The following FSTL4 variants were observed in gnomAD, a reference collection of about 807,000 sequenced individuals.
FSTL4 encodes follistatin like 4, also known as follistatin-related protein 4.
A neutral mutation model predicts 78.2 loss-of-function variants in FSTL4; 28 were observed. The ratio of observed to expected loss-of-function variants is 0.36; its 90% CI spans 0.27 to 0.49. The LOEUF (loss-of-function observed/expected upper bound fraction) is 0.49. Ranked by LOEUF, FSTL4 falls within the 20% of genes least tolerant of loss-of-function variation. FSTL4 has a pLI of 0.98. For synonymous variants in FSTL4, 422 were observed against 440.5 expected, an observed-to-expected ratio of 0.96 and a Z score of 0.53; for missense variants, 922 against 1,084.9, an observed-to-expected ratio of 0.85 and a Z score of 2.11.
chr5:133,264,793 C>T (rs1310153333), intron 6 of FSTL4, among the ~76,000 whole-genome samples: 2 of 152,154 alleles, frequency 1.3e-5, no homozygotes, highest in East Asian at 1.9e-4. Flanking sequence ...AAAAATGCCT[C>T]GTTTCCTCTC....
At chr5:133,769,599 C>G in the FSTL4 span, among the ~76,000 whole-genome samples, 5 of 152,278 alleles carry the variant, frequency 3.3e-5, no homozygotes, top group South Asian at 8.3e-4. Flanking sequence ...CCCAACACAG[C>G]CATCTACAAA....
intron 3 of FSTL4, among the ~76,000 whole-genome samples, chr5:133,499,558 C>T (rs1046439513): frequency 1.3e-5 from 2 of 152,104 alleles, no homozygotes; most frequent in Non-Finnish European, 2.9e-5. Context: ...GAATCAACCT[C>T]CTAGGTTGCA....
chr5:133,608,423 G>C (rs1198197570), intron 1 of FSTL4, among the ~76,000 whole-genome samples: 2 of 152,230 alleles, frequency 1.3e-5, no homozygotes, highest in African/African-American at 4.8e-5. Context: ...TAACCTGGCT[G>C]CCGCATAGAT....
chr5:133,381,583 G>C (rs899272249), intron 4 of FSTL4, among the ~76,000 whole-genome samples: 1 of 152,234 alleles, frequency 6.6e-6, no homozygotes, highest in African/African-American at 2.4e-5. Context: ...GGGCACGAGA[G>C]AGGGAGCATT....
the FSTL4 span, among the ~76,000 whole-genome samples, chr5:133,840,912 T>C: frequency 6.6e-6 from 1 of 152,270 alleles, no homozygotes; most frequent in Non-Finnish European, 1.5e-5. Context: ...AAGCACTTGC[T>C]GTGCAGGTTT....
chr5:133,553,200 A>G (rs1196638253), intron 3 of FSTL4, among the ~76,000 whole-genome samples: 1 of 152,194 alleles, frequency 6.6e-6, no homozygotes, highest in Non-Finnish European at 1.5e-5. Flanking sequence ...GTCCAAGACT[A>G]ATAGCCTGGA....
chr5:133,476,330 C>T (rs558098874), intron 3 of FSTL4, among the ~76,000 whole-genome samples: 4 of 152,300 alleles, frequency 2.6e-5, no homozygotes, highest in South Asian at 2.1e-4. Flanking sequence ...GCCCCTCGAC[C>T]GCCTTGTCTT....
the FSTL4 span, among the ~76,000 whole-genome samples, chr5:133,733,154 T>C: frequency 1.3e-5 from 2 of 152,224 alleles, no homozygotes; most frequent in East Asian, 1.9e-4. Flanking sequence ...CTTTTGTACA[T>C]AGGAATCAGT....
At chr5:133,445,713 G>T (rs1757249951) in intron 3 of FSTL4, among the ~76,000 whole-genome samples, 1 of 152,202 alleles carries the variant, frequency 6.6e-6, no homozygotes, top group Admixed American at 6.5e-5. Context: ...CCCAAAACGT[G>T]CACAGGCCCT....
intron 14 of FSTL4, among the ~76,000 whole-genome samples, chr5:133,202,941 G>A (rs1422976281): frequency 1.3e-5 from 2 of 152,234 alleles, no homozygotes; most frequent in African/African-American, 4.8e-5. Flanking sequence ...CAGGTGGTGT[G>A]TGAAGTCAGA....
chr5:133,772,842 A>T, the FSTL4 span, among the ~76,000 whole-genome samples: 1 of 152,132 alleles, frequency 6.6e-6, no homozygotes, highest in East Asian at 1.9e-4. Context: ...TCTAATAATG[A>T]ACTCTGAGGG....
intron 6 of FSTL4, among the ~76,000 whole-genome samples, chr5:133,280,763 CCCTGGCCCT>C (rs1199917216): frequency 6.6e-6 from 1 of 152,234 alleles, no homozygotes; most frequent in African/African-American, 2.4e-5. Context: ...CCTACAGCTT[CCCTGGCCCT>C]CCACATTCCA....
intron 6 of FSTL4, among the ~76,000 whole-genome samples, chr5:133,310,389 G>A (rs1389924543): frequency 1.3e-5 from 2 of 152,242 alleles, no homozygotes; most frequent in Non-Finnish European, 2.9e-5. Flanking sequence ...ACATGTGGCT[G>A]GAGGTCAGGT....
At chr5:133,319,307 C>G (rs777807147) in intron 4 of FSTL4, among the ~76,000 whole-genome samples, 2 of 152,206 alleles carry the variant, frequency 1.3e-5, no homozygotes, top group Admixed American at 6.5e-5. Flanking sequence ...GGTCCCACCC[C>G]CTGCTAGGGC....
intron 4 of FSTL4, among the ~76,000 whole-genome samples, chr5:133,319,578 G>A (rs570594352): frequency 2.0e-5 from 3 of 152,318 alleles, no homozygotes; most frequent in African/African-American, 7.2e-5. Flanking sequence ...CTGGGCTAGA[G>A]GGGCTGAGTC....
intron 2 of FSTL4, among the ~76,000 whole-genome samples, chr5:133,593,235 T>C (rs1158747347): frequency 9.9e-5 from 15 of 152,052 alleles, no homozygotes; most frequent in Non-Finnish European, 1.5e-4. Flanking sequence ...GCCCTGAAAC[T>C]TGTCCACCAC....
intron 6 of FSTL4, among the ~76,000 whole-genome samples, chr5:133,303,525 C>T (rs1415277984): frequency 6.6e-6 from 1 of 152,206 alleles, no homozygotes; most frequent in Admixed American, 6.5e-5. Flanking sequence ...AGTGCCCTGG[C>T]CCTGAGTGTG....
chr5:133,398,805 G>C (rs1561702396), intron 4 of FSTL4, among the ~76,000 whole-genome samples: 1 of 152,148 alleles, frequency 6.6e-6, no homozygotes, highest in Non-Finnish European at 1.5e-5. Context: ...TGCCACCCTT[G>C]GTCTTTCTGG....
chr5:133,753,333 C>CA, the FSTL4 span, among the ~76,000 whole-genome samples: 2 of 152,144 alleles, frequency 1.3e-5, no homozygotes, highest in African/African-American at 2.4e-5. Context: ...CCCAGATGGG[C>CA]ATGTGTCCAC....
Sources: allele counts gnomAD v4.1 joint callset (sites outside exome capture counted in the v4.1 genomes callset), GRCh38; gene constraint gnomAD v4.1.1; transcripts MANE v1.5; gene names NCBI Gene and HGNC (gene_info 2026-07-23, HGNC 2026-07-21).